The following DMXL2 variants were observed in gnomAD, a reference collection of about 807,000 sequenced individuals.
The protein encoded by DMXL2 is dmX-like protein 2.
Under a neutral mutation model 331.1 loss-of-function variants are expected in DMXL2, and 103 were observed. The ratio of observed to expected loss-of-function variants is 0.31; its 90% confidence interval spans 0.27 to 0.37. DMXL2 has a LOEUF of 0.37. Among genes scored for constraint, DMXL2 ranks in the 10% least tolerant of loss-of-function variants. The probability of loss-of-function intolerance (pLI) is 1.00; values close to 1 mark genes in which losing one functional copy is unlikely to be tolerated. For missense variants in DMXL2, 3,171 were observed against 3,642.9 expected (o/e 0.87, Z 3.33); for synonymous variants, 1,281 against 1,252.1 (o/e 1.02, Z -0.49).
intron 32 of DMXL2, among the ~76,000 whole-genome samples, chr15:51,463,781 T>G (rs997572238): frequency 2.0e-5 from 3 of 152,208 alleles, no homozygotes; most frequent in African/African-American, 7.2e-5. Context: ...ATTATTCTCT[T>G]TTTAAATTAT....
rs1003649046 is a variant in DMXL2 at position 51,464,872 on chromosome 15, C to T, written c.7611G>A (p.Leu2537=). The T allele has an allele frequency of 1.2e-6, 2 of 1,612,768 alleles. No individual in the cohort carries two copies. Among genetic ancestry groups the T allele is most frequent in the Middle Eastern group, 1.7e-4 (1 of 6,056 alleles). The part of the protein sequence containing the change: ...FPIAGLEFSE[L]PVTSPLGIAV... Reference sequence around the variant, plus strand: ...CAATACCTAATGGTGATGTTACAGGCAGCTCTACAAGGTGACAGAATATGT... The same window carrying T: ...CAATACCTAATGGTGATGTTACAGGTAGCTCTACAAGGTGACAGAATATGT... The change falls in exon 32 of 44, where the codon CTG becomes CTA. Residue 2537 remains leucine (L), a synonymous_variant. Transcript: ENST00000560891.
chr15:51,545,275 T>C (rs559323656), intron 8 of DMXL2, among the ~76,000 whole-genome samples: 4 of 152,160 alleles, frequency 2.6e-5, no homozygotes, highest in Admixed American at 6.5e-5. Flanking sequence ...CTTAGTCCCA[T>C]AGATTTTCAC....
At chr15:51,492,545 G>A (rs2042886442) in intron 19 of DMXL2, among the ~76,000 whole-genome samples, 1 of 152,098 alleles carries the variant, frequency 6.6e-6, no homozygotes, top group East Asian at 1.9e-4. Context: ...GCTGTTTGAA[G>A]AGGCAACAAA....
At chr15:51,546,836 C>T (rs1272996675) in intron 7 of DMXL2, among the ~76,000 whole-genome samples, 1 of 152,032 alleles carries the variant, frequency 6.6e-6, no homozygotes. Context: ...ATCTATTTCC[C>T]TTCAATGTGT....
rs1258523616 is a variant in DMXL2 at position 51,562,445 on chromosome 15, A to G, written c.567+936T>C. On this transcript the variant is annotated intron_variant, in intron 6 of 43. Transcript: ENST00000560891. ...AAAGGAAGATAAATGATGCTAAGAA[A>G]CAGAAAATTTAACAAAGGAGAGAGG... Among the ~76,000 whole-genome samples, 8 of 152,344 alleles carry G rather than the reference A, an allele frequency of 5.3e-5. No individual in the cohort carries two copies. In the East Asian group the frequency reaches 1.5e-3, roughly 29 times the overall value.
At chr15:51,569,844 C>G (rs926356486) in intron 2 of DMXL2, among the ~76,000 whole-genome samples, 1 of 152,088 alleles carries the variant, frequency 6.6e-6, no homozygotes, top group Non-Finnish European at 1.5e-5. Context: ...GAAACCAGTG[C>G]AAAATGGCTG....
chr15:51,563,008 A>G (rs190088433), intron 6 of DMXL2, among the ~76,000 whole-genome samples: 8 of 152,290 alleles, frequency 5.3e-5, no homozygotes, highest in Non-Finnish European at 1.0e-4. Context: ...TTGACAAATA[A>G]TTGCCTCCTG....
In DMXL2 at chr15:51,499,387, T is replaced by G. The variant is rs2043421186; in HGVS notation, c.3837A>C (p.Lys1279Asn). The G allele has an allele frequency of 6.2e-7, 1 of 1,613,956 alleles. No individual in the cohort carries two copies. Among genetic ancestry groups the G allele is most frequent in the Non-Finnish European group, 8.5e-7 (1 of 1,180,000 alleles). ...AACTATCAGCTTCAGTGTCTCCAAA[T>G]TTGACAGCATGCTTCCACTGTGCAT... ...HVYAQWKHAVKFGDTEADSSN... is the reference protein window; with the variant it reads ...HVYAQWKHAVNFGDTEADSSN... The change falls in exon 18 of 44, where the codon AAA (lysine) becomes AAC (asparagine). Residue 1279 changes from lysine to asparagine, a missense_variant. Physicochemically the swap from Lys to Asn is moderately conservative, Grantham distance 94. Coordinates refer to ENST00000560891, the MANE Select transcript of DMXL2 (RefSeq NM_001378457.1).
intron 3 of DMXL2, chr15:51,567,729 T>C (rs1188736068): frequency 6.6e-6 from 1 of 152,210 alleles, no homozygotes; most frequent in Non-Finnish European, 1.5e-5. Context: ...ACATAGTAAC[T>C]GTGCTACTGA....
chr15:51,547,429 T>A (rs1232785382), intron 6 of DMXL2, 21 bp from the exon 7 acceptor site: 1 of 1,530,008 alleles, frequency 6.5e-7, no homozygotes, highest in East Asian at 2.3e-5. Context: ...CATAGGTCAA[T>A]ATAAAATTAA....
intron 13 of DMXL2, among the ~76,000 whole-genome samples, chr15:51,524,296 A>C (rs772453055): frequency 1.2e-4 from 19 of 152,226 alleles, no homozygotes; most frequent in Non-Finnish European, 2.4e-4. Context: ...TGATTCCTCA[A>C]CTTGATAAAG....
intron 1 of DMXL2, among the ~76,000 whole-genome samples, chr15:51,583,106 CT>C (rs57226377): frequency 0.4 from 34,871 of 86,822 alleles, 4,280 homozygotes; most frequent in East Asian, 0.55. Flanking sequence ...CTTCATTCTT[CT>C]TTTTTTTTTT....
At chr15:51,460,167 A>C (rs2140243050) in intron 33 of DMXL2, 1 of 986,106 alleles carries the variant, frequency 1.0e-6, no homozygotes, top group Non-Finnish European at 1.2e-6. Flanking sequence ...AAAAAGAAAT[A>C]ACTCAGTAAT....
chr15:51,490,541 G>A (rs1451264425), intron 20 of DMXL2, among the ~76,000 whole-genome samples: 1 of 152,196 alleles, frequency 6.6e-6, no homozygotes, highest in African/African-American at 2.4e-5. Context: ...TGCTAAAGTA[G>A]AAAAGGCACA....
At chr15:51,572,564 G>A (rs2050744052) in intron 2 of DMXL2, among the ~76,000 whole-genome samples, 1 of 152,098 alleles carries the variant, frequency 6.6e-6, no homozygotes, top group Non-Finnish European at 1.5e-5. Flanking sequence ...AAATCCAGCA[G>A]CACATCAAAA....
At chr15:51,525,784 A>G (rs1351555311) in intron 13 of DMXL2, among the ~76,000 whole-genome samples, 1 of 152,088 alleles carries the variant, frequency 6.6e-6, no homozygotes, top group Admixed American at 6.5e-5. Context: ...ACAGTACAAT[A>G]GAACACCAGG....
At position 51,448,422 on chromosome 15, in the gene DMXL2, C is replaced by T. The variant is rs2038857899; in HGVS notation, c.*562G>A. 6.3e-6 allele frequency: 1 copy of T among 157,906 alleles called. No individual in the cohort carries two copies. The highest frequency in any genetic ancestry group is 1.8e-4 in the East Asian group (1 of 5,426). The allele number at this position is 157,906 out of a possible 1,614,324, so 9.8% of individuals were successfully genotyped here. On this transcript the variant is annotated 3_prime_UTR_variant, in exon 44 of 44. Coordinates refer to ENST00000560891, the MANE Select transcript of DMXL2 (RefSeq NM_001378457.1). ...ACTCATTTGCAAGTTACAGTACTAG[C>T]TCAGTATAAACACTAACAGGAAAAA... is the stretch of plus-strand genomic sequence containing the variant.
intron 15 of DMXL2, among the ~76,000 whole-genome samples, chr15:51,508,856 T>C (rs551558298): frequency 2.6e-5 from 4 of 152,158 alleles, no homozygotes; most frequent in Non-Finnish European, 5.9e-5. Context: ...AATAAATAAA[T>C]GAGAACTGAT....
chr15:51,517,703 C>G (rs991334966), intron 13 of DMXL2, among the ~76,000 whole-genome samples: 3 of 152,210 alleles, frequency 2.0e-5, no homozygotes, highest in Admixed American at 1.3e-4. Context: ...GTAACTTCAT[C>G]TGAAACGGTT....
Sources: allele counts gnomAD v4.1 joint callset (sites outside exome capture counted in the v4.1 genomes callset), GRCh38; gene constraint gnomAD v4.1.1; transcripts MANE v1.5; gene names NCBI Gene and HGNC (gene_info 2026-07-23, HGNC 2026-07-21).